The following ST8SIA6 variants were observed in gnomAD, a reference collection of about 807,000 sequenced individuals.
ST8SIA6 encodes the protein alpha-2,8-sialyltransferase 8F.
In ST8SIA6, 39 loss-of-function variants were observed where a neutral mutation model predicts 33.6. The observed-to-expected ratio is 1.16, with a 90% CI of 0.90 to 1.52. The LOEUF (loss-of-function observed/expected upper bound fraction) is 1.52. Among genes scored for constraint, ST8SIA6 ranks in the 40% most tolerant of loss-of-function variants. The pLI is 0.00. For missense variants in ST8SIA6, 441 were observed against 443.8 expected (o/e 0.99, Z 0.06); for synonymous variants, 172 against 167.2 (o/e 1.03, Z -0.22).
chr10:17,374,270 A>G (rs1554792696), intron 3 of ST8SIA6, among the ~76,000 whole-genome samples: 2 of 152,072 alleles, frequency 1.3e-5, no homozygotes, highest in Non-Finnish European at 2.9e-5. Flanking sequence ...CAAATAATTT[A>G]AGAGAGACTA....
intron 2 of ST8SIA6, among the ~76,000 whole-genome samples, chr10:17,429,080 G>A (rs1187277220): frequency 2.6e-5 from 4 of 151,690 alleles, no homozygotes; most frequent in African/African-American, 7.3e-5. Context: ...CTTGTGTTTC[G>A]TTCTGTAGTG....
chr10:17,351,634 A>AT (rs1849032861), intron 4 of ST8SIA6, among the ~76,000 whole-genome samples: 1 of 151,902 alleles, frequency 6.6e-6, no homozygotes, highest in Non-Finnish European at 1.5e-5. Flanking sequence ...AATAGCCAAG[A>AT]TGTAGAATCA....
intron 4 of ST8SIA6, 25 bp from the exon 5 acceptor site, chr10:17,331,577 A>G: frequency 1.9e-6 from 3 of 1,591,410 alleles, no homozygotes; most frequent in South Asian, 1.2e-5. Context: ...GATGAAAAGG[A>G]AGCCAAAGTA....
intron 3 of ST8SIA6, among the ~76,000 whole-genome samples, chr10:17,389,753 A>T (rs1260967712): frequency 6.6e-6 from 1 of 152,136 alleles, no homozygotes; most frequent in African/African-American, 2.4e-5. Context: ...TTCAGAATAC[A>T]TATCATGTTC....
intron 3 of ST8SIA6, among the ~76,000 whole-genome samples, chr10:17,362,770 G>C (rs1043229062): frequency 6.6e-6 from 1 of 152,078 alleles, no homozygotes; most frequent in East Asian, 1.9e-4. Context: ...GGAGTGCAGT[G>C]GTGGGATCTC....
At chr10:17,386,378 A>C (rs1850347903) in intron 3 of ST8SIA6, among the ~76,000 whole-genome samples, 1 of 151,424 alleles carries the variant, frequency 6.6e-6, no homozygotes, top group African/African-American at 2.4e-5. Flanking sequence ...GCCTCTACTA[A>C]TAACACAAAA....
chr10:17,406,463 T>TA (rs1307433208), intron 2 of ST8SIA6, among the ~76,000 whole-genome samples: 3 of 152,222 alleles, frequency 2.0e-5, no homozygotes, highest in Non-Finnish European at 4.4e-5. Flanking sequence ...GCCAGACTCT[T>TA]AAAGCCACTG....
At chr10:17,329,481 G>T (rs1400269163) in intron 5 of ST8SIA6, among the ~76,000 whole-genome samples, 1 of 152,240 alleles carries the variant, frequency 6.6e-6, no homozygotes, top group African/African-American at 2.4e-5. Flanking sequence ...GCTCTTAAAT[G>T]AATGGTTCCT....
intron 2 of ST8SIA6, among the ~76,000 whole-genome samples, chr10:17,417,450 A>G (rs1349614638): frequency 6.6e-6 from 1 of 151,922 alleles, no homozygotes; most frequent in African/African-American, 2.4e-5. Context: ...TCAGGTCTTA[A>G]CTCGAATGTC....
chr10:17,446,098 G>A (rs918472626), intron 2 of ST8SIA6, among the ~76,000 whole-genome samples: 1 of 151,988 alleles, frequency 6.6e-6, no homozygotes, highest in African/African-American at 2.4e-5. Flanking sequence ...TATGGCTCTG[G>A]TATCCATAAT....
At chr10:17,444,503 G>A (rs976910636) in intron 2 of ST8SIA6, among the ~76,000 whole-genome samples, 2 of 152,122 alleles carry the variant, frequency 1.3e-5, no homozygotes, top group African/African-American at 4.8e-5. Flanking sequence ...CCTCTACCCA[G>A]TCCACAGAGG....
chr10:17,396,391 A>G (rs1040221508), intron 2 of ST8SIA6, among the ~76,000 whole-genome samples: 1 of 152,170 alleles, frequency 6.6e-6, no homozygotes, highest in African/African-American at 2.4e-5. Flanking sequence ...TGGCAATTCT[A>G]TTACATGCCC....
chr10:17,444,965 C>A (rs1852650683), intron 2 of ST8SIA6, among the ~76,000 whole-genome samples: 1 of 152,188 alleles, frequency 6.6e-6, no homozygotes, highest in African/African-American at 2.4e-5. Flanking sequence ...AAAATCAGAA[C>A]ACATATTCGT....
chr10:17,387,513 C>T (rs1175413492), intron 3 of ST8SIA6, among the ~76,000 whole-genome samples: 2 of 151,660 alleles, frequency 1.3e-5, no homozygotes, highest in Non-Finnish European at 1.5e-5. Context: ...GTGATCTGCC[C>T]GCCTCAGCCT....
intron 2 of ST8SIA6, among the ~76,000 whole-genome samples, chr10:17,395,964 G>A (rs1033505443): frequency 2.0e-5 from 3 of 152,088 alleles, no homozygotes; most frequent in South Asian, 2.1e-4. Flanking sequence ...AGTTGAGAGC[G>A]CCCCCAAAGA....
Position 17,379,462 on chromosome 10 carries a change from T to C in ST8SIA6, c.290+11069A>G, listed in dbSNP as rs142374043. The stretch of plus-strand genomic sequence containing the variant: ...AAATATCTTGGGCCCCCAAAATCAC[T>C]AAGGAAAACTCAAGCTGGGAACTGC... On this transcript the variant is annotated intron_variant, in intron 3 of 7. Coordinates refer to ENST00000377602, the MANE Select transcript of ST8SIA6 (RefSeq NM_001004470.3). 5.5e-3 allele frequency among the ~76,000 whole-genome samples: 831 copies of C among 152,304 alleles called. 3 individuals carry two copies. The highest frequency in any genetic ancestry group is 0.013 in the Admixed American group (195 of 15,292).
At chr10:17,416,346 T>C (rs1851606980) in intron 2 of ST8SIA6, among the ~76,000 whole-genome samples, 1 of 152,216 alleles carries the variant, frequency 6.6e-6, no homozygotes, top group Non-Finnish European at 1.5e-5. Context: ...CATTCTACTC[T>C]CTGGCTTTGA....
At chr10:17,415,348 C>T (rs1460638441) in intron 2 of ST8SIA6, among the ~76,000 whole-genome samples, 1 of 152,176 alleles carries the variant, frequency 6.6e-6, no homozygotes, top group Non-Finnish European at 1.5e-5. Context: ...TCCTAAGATA[C>T]TCAATCATTG....
intron 3 of ST8SIA6, among the ~76,000 whole-genome samples, chr10:17,368,928 A>G (rs752623252): frequency 2.2e-4 from 34 of 152,174 alleles, no homozygotes; most frequent in Non-Finnish European, 3.7e-4. Flanking sequence ...TGGCCTTGCT[A>G]TTCAAAGGGT....
Sources: allele counts gnomAD v4.1 joint callset (sites outside exome capture counted in the v4.1 genomes callset), GRCh38; gene constraint gnomAD v4.1.1; transcripts MANE v1.5; gene names NCBI Gene and HGNC (gene_info 2026-07-23, HGNC 2026-07-21).